PNPLA1: variants seen among roughly 807,000 people sequenced by gnomAD.
The protein encoded by PNPLA1 is omega-hydroxyceramide transacylase.
A neutral mutation model predicts 51.7 loss-of-function variants in PNPLA1; 36 were observed. That is an observed-to-expected ratio of 0.70 (90% CI 0.53 to 0.92). The LOEUF is 0.92. PNPLA1 is among the 40% of genes least tolerant of loss of function. PNPLA1 has a pLI of 0.00. For synonymous variants in PNPLA1, 293 were observed against 280.1 expected, an observed-to-expected ratio of 1.05 and a Z score of -0.46; for missense variants, 658 against 682.5, an observed-to-expected ratio of 0.96 and a Z score of 0.40.
intron 5 of PNPLA1, among the ~76,000 whole-genome samples, chr6:36,300,178 T>TGA (rs71548136): frequency 0.047 from 4,647 of 98,204 alleles, 178 homozygotes; most frequent in African/African-American, 0.094. Context: ...TGTGTGTGTG[T>TGA]GAGAGAGAGA....
intron 5 of PNPLA1, among the ~76,000 whole-genome samples, chr6:36,296,212 G>T (rs1266811858): frequency 6.6e-6 from 1 of 152,142 alleles, no homozygotes; most frequent in African/African-American, 2.4e-5. Context: ...TGAGATCAAG[G>T]CTGTAGCGAG....
intron 1 of PNPLA1, among the ~76,000 whole-genome samples, chr6:36,278,750 G>T (rs1455992347): frequency 2.0e-5 from 3 of 152,222 alleles, no homozygotes; most frequent in African/African-American, 7.2e-5. Flanking sequence ...CAGACAAGGA[G>T]TTTGAGGATC....
At chr6:36,272,624 G>A (rs1364732918) in intron 1 of PNPLA1, among the ~76,000 whole-genome samples, 1 of 152,210 alleles carries the variant, frequency 6.6e-6, no homozygotes, top group Non-Finnish European at 1.5e-5. Flanking sequence ...TGGGCAGAGT[G>A]TGTTTGAGGG....
rs746892136 is a variant in PNPLA1, at chr6:36,306,273, C to T, written c.1385-19C>T. The T allele has an allele frequency of 1.3e-6, 2 of 1,597,644 alleles. No individual in the cohort carries two copies. Among genetic ancestry groups the T allele is most frequent in the Non-Finnish European group, 1.7e-6 (2 of 1,170,438 alleles). ...CCCCCTCCCCATCTCACTCCCGTTT[C>T]CTATATCTTTACTTTTAGCTGTAGC... On this transcript the variant is annotated intron_variant, in intron 6 of 8. Transcript: ENST00000636260.
chr6:36,245,328 T>C (rs573410510), intron 1 of PNPLA1, among the ~76,000 whole-genome samples: 1 of 152,332 alleles, frequency 6.6e-6, no homozygotes, highest in South Asian at 2.1e-4. Context: ...TATATTAAGA[T>C]GTTATCTTAA....
At chr6:36,300,178 T>TGAGAGAGAGAGAGAGAGAGA (rs71548136) in intron 5 of PNPLA1, among the ~76,000 whole-genome samples, 51 of 98,078 alleles carry the variant, frequency 5.2e-4, no homozygotes, top group Non-Finnish European at 6.5e-4. Flanking sequence ...TGTGTGTGTG[T>TGAGAGAGAGAGAGAGAGAGA]GAGAGAGAGA....
chr6:36,252,362 A>G (rs1456465291), intron 1 of PNPLA1, among the ~76,000 whole-genome samples: 1 of 152,164 alleles, frequency 6.6e-6, no homozygotes, highest in Non-Finnish European at 1.5e-5. Context: ...GCAGCCTAAC[A>G]GAGACAGCAT....
chr6:36,294,118 C>T lies in PNPLA1; in HGVS notation c.505-72C>T, dbSNP rs867419956. ...TGAAGCTGGTGCCATATCCCATGGG[C>T]CATTTCGATGTACCCCGAGTGGGGC... On this transcript the variant is annotated intron_variant, in intron 3 of 8. Transcript: ENST00000636260. The surrounding 1 kb of genome is among the most constrained non-coding windows in gnomAD (Gnocchi z 4.2). 2.6e-6 allele frequency: 4 copies of T among 1,547,268 alleles called. No individual in the cohort carries two copies. In the African/African-American group the frequency reaches 5.5e-5, roughly 21 times the overall value.
intron 1 of PNPLA1, among the ~76,000 whole-genome samples, chr6:36,275,435 T>C (rs76584213): frequency 0.11 from 16,206 of 152,216 alleles, 981 homozygotes; most frequent in Middle Eastern, 0.19. Context: ...TTCTTCTACA[T>C]TGTCTTTCAA....
chr6:36,257,063 T>C (rs1769548715), intron 1 of PNPLA1, among the ~76,000 whole-genome samples: 1 of 152,172 alleles, frequency 6.6e-6, no homozygotes, highest in Admixed American at 6.5e-5. Flanking sequence ...TCTTCCTTTT[T>C]GCAATATGCA....
intron 1 of PNPLA1, among the ~76,000 whole-genome samples, chr6:36,253,052 C>T (rs977376066): frequency 6.6e-6 from 1 of 152,158 alleles, no homozygotes; most frequent in Non-Finnish European, 1.5e-5. Context: ...TGGTGGCATG[C>T]ACCTGTAGTC....
chr6:36,303,418 T>C (rs2127353296), intron 6 of PNPLA1, among the ~76,000 whole-genome samples: 1 of 152,308 alleles, frequency 6.6e-6, no homozygotes, highest in Admixed American at 6.5e-5. Flanking sequence ...ACTGTTTCCT[T>C]ACTACTACAG....
chr6:36,272,352 C>A (rs1769941325), intron 1 of PNPLA1, among the ~76,000 whole-genome samples: 1 of 152,138 alleles, frequency 6.6e-6, no homozygotes, highest in Non-Finnish European at 1.5e-5. Flanking sequence ...ACTGATCTGA[C>A]AGGACGCGGA....
At chr6:36,254,896 G>T (rs1327242039) in intron 1 of PNPLA1, among the ~76,000 whole-genome samples, 4 of 152,064 alleles carry the variant, frequency 2.6e-5, no homozygotes, top group African/African-American at 4.8e-5. Context: ...GACTGCAAAA[G>T]GATGTTCAAA....
intron 1 of PNPLA1, among the ~76,000 whole-genome samples, chr6:36,285,301 G>C (rs1369907198): frequency 6.6e-6 from 1 of 152,166 alleles, no homozygotes; most frequent in South Asian, 2.1e-4. Flanking sequence ...GAGCAGGGCC[G>C]GCGGCGCCGC....
chr6:36,309,878 T>A (rs1771348819), intron 8 of PNPLA1, among the ~76,000 whole-genome samples: 1 of 152,172 alleles, frequency 6.6e-6, no homozygotes, highest in African/African-American at 2.4e-5. Flanking sequence ...AGGAGAAACC[T>A]GTTCATTTCC....
Position 36,302,298 on chromosome 6 carries a change from G to A in PNPLA1, c.1213G>A (p.Val405Ile), listed in dbSNP as rs1294111425. ...GLSPLSPQQQVQPSGSPARSL... is the reference protein window; with the variant it reads ...GLSPLSPQQQIQPSGSPARSL... ...GTCACCTCTGTCACCTCAGCAGCAG[G>A]TACAACCGTCTGGATCACCAGCCAG... Residue 405 changes from valine to isoleucine, a missense_variant, in exon 6 of 9, where the codon GTA becomes ATA. Transcript: ENST00000636260. The A allele has an allele frequency of 6.2e-7, 1 of 1,613,984 alleles. No homozygotes were observed. The highest frequency in any genetic ancestry group is 1.1e-5 in the South Asian group (1 of 91,094).
chr6:36,299,335 G>GTTTTT (rs767505825), intron 5 of PNPLA1, among the ~76,000 whole-genome samples: 3 of 58,772 alleles, frequency 5.1e-5, no homozygotes, highest in African/African-American at 4.4e-5. Flanking sequence ...TTTTTTGTCT[G>GTTTTT]TTTTTTTTTT....
intron 1 of PNPLA1, among the ~76,000 whole-genome samples, chr6:36,273,486 A>T (rs1313051390): frequency 6.6e-6 from 1 of 151,834 alleles, no homozygotes; most frequent in Non-Finnish European, 1.5e-5. Flanking sequence ...TCTGTCCTGG[A>T]GTCACCGAAT....
Sources: allele counts gnomAD v4.1 joint callset (sites outside exome capture counted in the v4.1 genomes callset), GRCh38; gene constraint gnomAD v4.1.1; non-coding constraint Gnocchi (gnomAD v3.1); transcripts MANE v1.5; gene names NCBI Gene and HGNC (gene_info 2026-07-23, HGNC 2026-07-21).